WWOX: variants seen among roughly 807,000 people sequenced by gnomAD.
The protein encoded by WWOX is WW domain-containing oxidoreductase.
Under a neutral mutation model 46.2 loss-of-function variants are expected in WWOX, and 69 were observed. The observed-to-expected ratio is 1.49, with a 90% confidence interval of 1.23 to 1.82. WWOX has a LOEUF of 1.82. Ranked by LOEUF, WWOX falls within the 40% of genes most tolerant of loss-of-function variation. The pLI, the probability that WWOX is intolerant of heterozygous loss-of-function variation, is 0.00. For synonymous variants in WWOX, 359 were observed against 202.6 expected (o/e 1.77, Z -6.56); for missense variants, 919 against 542.6 (o/e 1.69, Z -6.89).
At chr16:78,761,462 G>C (rs963799287) in intron 8 of WWOX, among the ~76,000 whole-genome samples, 1 of 152,048 alleles carries the variant, frequency 6.6e-6, no homozygotes, top group Non-Finnish European at 1.5e-5. Flanking sequence ...ATTGTCACCG[G>C]GGAGAAATTT....
intron 8 of WWOX, among the ~76,000 whole-genome samples, chr16:78,592,779 C>T (rs1047643744): frequency 6.6e-6 from 1 of 152,170 alleles, no homozygotes; most frequent in African/African-American, 2.4e-5. Context: ...CTGGGGTGGC[C>T]ACTCCACCGT....
intron 8 of WWOX, among the ~76,000 whole-genome samples, chr16:79,079,017 T>G (rs748195477): frequency 5.3e-5 from 8 of 152,220 alleles, no homozygotes; most frequent in South Asian, 4.1e-4. Flanking sequence ...ATAATACATT[T>G]GACCTGCATT....
At chr16:78,462,242 CTT>C (rs113100708) in intron 8 of WWOX, among the ~76,000 whole-genome samples, 9 of 147,036 alleles carry the variant, frequency 6.1e-5, no homozygotes, top group African/African-American at 2.2e-4. Flanking sequence ...TGCTCACGCT[CTT>C]TTTTTTTTTT....
chr16:79,011,970 T>G (rs2047319857), intron 8 of WWOX, among the ~76,000 whole-genome samples: 3 of 152,164 alleles, frequency 2.0e-5, no homozygotes. Context: ...AACTTCCTTA[T>G]CTAGAACTAT....
intron 8 of WWOX, among the ~76,000 whole-genome samples, chr16:78,738,101 A>C (rs554416757): frequency 6.6e-6 from 1 of 152,144 alleles, no homozygotes; most frequent in Admixed American, 6.5e-5. Flanking sequence ...AGAGGTTCTA[A>C]TTATGTCTTC....
intron 8 of WWOX, among the ~76,000 whole-genome samples, chr16:78,919,835 G>T (rs1360863859): frequency 6.6e-6 from 1 of 152,110 alleles, no homozygotes; most frequent in Non-Finnish European, 1.5e-5. Flanking sequence ...ATTTTCTTAT[G>T]TGGGGATCCT....
intron 8 of WWOX, among the ~76,000 whole-genome samples, chr16:79,057,712 C>A (rs181326022): frequency 1.3e-5 from 2 of 152,100 alleles, no homozygotes; most frequent in South Asian, 4.1e-4. Context: ...GGTTTGCATT[C>A]TGAGGGAGCT....
At chr16:78,662,858 C>T (rs2047249431) in intron 8 of WWOX, among the ~76,000 whole-genome samples, 1 of 152,096 alleles carries the variant, frequency 6.6e-6, no homozygotes, top group Non-Finnish European at 1.5e-5. Flanking sequence ...ACATGGGCCT[C>T]TGCAAAAGGC....
At chr16:78,645,497 C>G (rs1380239392) in intron 8 of WWOX, among the ~76,000 whole-genome samples, 2 of 152,058 alleles carry the variant, frequency 1.3e-5, no homozygotes, top group Non-Finnish European at 2.9e-5. Flanking sequence ...TGCAGGATGT[C>G]CAAGAAGCAT....
At chr16:79,099,160 C>G (rs1259122411) in intron 8 of WWOX, among the ~76,000 whole-genome samples, 2 of 152,156 alleles carry the variant, frequency 1.3e-5, no homozygotes, top group Non-Finnish European at 2.9e-5. Context: ...AGAACTCACT[C>G]ACTACCATGA....
intron 8 of WWOX, among the ~76,000 whole-genome samples, chr16:79,167,459 T>G (rs1282120851): frequency 1.3e-5 from 2 of 152,088 alleles, no homozygotes; most frequent in Non-Finnish European, 2.9e-5. Context: ...AGACATTTAG[T>G]GAAGGAATGG....
chr16:79,117,654 G>T (rs56009411), intron 8 of WWOX, among the ~76,000 whole-genome samples: 1 of 152,226 alleles, frequency 6.6e-6, no homozygotes, highest in South Asian at 2.1e-4. Flanking sequence ...TTGAAAATCT[G>T]TTAGTGTAGC....
intron 8 of WWOX, among the ~76,000 whole-genome samples, chr16:78,439,801 C>G (rs1239692132): frequency 6.6e-6 from 1 of 152,198 alleles, no homozygotes; most frequent in Non-Finnish European, 1.5e-5. Context: ...ATATGAGTAG[C>G]TCCTTTGTGA....
chr16:78,726,141 C>G (rs934725490), intron 8 of WWOX, among the ~76,000 whole-genome samples: 2 of 131,696 alleles, frequency 1.5e-5, no homozygotes, highest in South Asian at 5.3e-4. Flanking sequence ...CTCTCTTTTT[C>G]TCTTTCTCTC....
chr16:78,852,788 C>G (rs999328099), intron 8 of WWOX, among the ~76,000 whole-genome samples: 2 of 152,152 alleles, frequency 1.3e-5, no homozygotes, highest in Admixed American at 6.5e-5. Flanking sequence ...GTAGGAGTTC[C>G]TCAATGGTTC....
intron 8 of WWOX, among the ~76,000 whole-genome samples, chr16:78,682,621 G>C (rs1370135470): frequency 3.9e-5 from 6 of 152,186 alleles, no homozygotes; most frequent in Non-Finnish European, 8.8e-5. Context: ...GTTCACCCCT[G>C]TAATCCCAGC....
At chr16:78,636,121 A>C (rs964234071) in intron 8 of WWOX, among the ~76,000 whole-genome samples, 1 of 152,130 alleles carries the variant, frequency 6.6e-6, no homozygotes, top group African/African-American at 2.4e-5. Flanking sequence ...GGCTCTTGCT[A>C]TTAAGAGTTT....
chr16:79,103,636 C>T (rs1197666737), intron 8 of WWOX, among the ~76,000 whole-genome samples: 5 of 152,146 alleles, frequency 3.3e-5, no homozygotes. Context: ...AAGATCTTAA[C>T]AAATCCAGTA....
intron 8 of WWOX, among the ~76,000 whole-genome samples, chr16:78,780,669 C>T (rs7194007): frequency 0.38 from 57,230 of 151,900 alleles, 11,571 homozygotes; most frequent in Middle Eastern, 0.52. Context: ...ACAGTGCAAG[C>T]GCTGCATGGG....
Sources: allele counts gnomAD v4.1 joint callset (sites outside exome capture counted in the v4.1 genomes callset), GRCh38; gene constraint gnomAD v4.1.1; transcripts MANE v1.5; gene names NCBI Gene and HGNC (gene_info 2026-07-23, HGNC 2026-07-21).